Variants in JMY observed in about 807,000 individuals in gnomAD.
JMY encodes junction mediating and regulatory protein, p53 cofactor, also known as junction-mediating and -regulatory protein.
A neutral mutation model predicts 103.3 loss-of-function variants in JMY; 46 were observed. The observed-to-expected ratio is 0.45, with a 90% CI of 0.35 to 0.57. The LOEUF is 0.57. Ranked by LOEUF, JMY falls within the 20% of genes least tolerant of loss-of-function variation. The probability of loss-of-function intolerance (pLI) is 0.00; values close to 1 mark genes in which losing one functional copy is unlikely to be tolerated. For synonymous variants in JMY, 526 were observed against 489.3 expected (o/e 1.07, Z -0.99); for missense variants, 1,238 against 1,255.2 (o/e 0.99, Z 0.21).
chr5:79,260,937 G>C (rs923616027), intron 1 of JMY, among the ~76,000 whole-genome samples: 1 of 151,994 alleles, frequency 6.6e-6, no homozygotes, highest in Non-Finnish European at 1.5e-5. Context: ...ATCATTGCTG[G>C]GGTAGGTTCC....
Position 79,314,293 on chromosome 5 carries a change from T to A in JMY, c.2101T>A (p.Leu701Ile). The change falls in exon 9 of 11, where the codon TTA becomes ATA. Residue 701 changes from leucine to isoleucine, a missense_variant. Leu to Ile is a conservative substitution (Grantham distance 5). Transcript: ENST00000396137. Reference sequence around the variant, plus strand: ...GCAAGTCATACTTAAATCAACCAGATTACGACTAGCTCATGCAAGAAGAAA... The same window carrying A: ...GCAAGTCATACTTAAATCAACCAGAATACGACTAGCTCATGCAAGAAGAAA... ...PGQVILKSTRLRLAHARRKGA... is the reference protein window; with the variant it reads ...PGQVILKSTRIRLAHARRKGA... The A allele has an allele frequency of 6.2e-7, 1 of 1,613,890 alleles. No homozygotes were observed.
chr5:79,244,168 CTT>C (rs1306491290), intron 1 of JMY, among the ~76,000 whole-genome samples: 4 of 151,870 alleles, frequency 2.6e-5, no homozygotes, highest in Non-Finnish European at 2.9e-5. Context: ...ACCCAGCTAA[CTT>C]TTGTATTTTT....
intron 2 of JMY, among the ~76,000 whole-genome samples, chr5:79,282,964 C>T (rs190162119): frequency 9.4e-5 from 14 of 149,680 alleles, no homozygotes; most frequent in East Asian, 5.9e-4. Flanking sequence ...AATATCAAAC[C>T]GGTTATTTCA....
In JMY at chr5:79,249,765, T is replaced by C. The variant is rs1745019561; in HGVS notation, c.1032+12083T>C. 3.3e-5 allele frequency among the ~76,000 whole-genome samples: 5 copies of C among 152,326 alleles called. 1 individual carries two copies. The South Asian group carries it at 1.0e-3, about 32-fold the overall frequency. ...CTTTTGTATTAAATTTCATCGTATT[T>C]TCAGTCTCCCTTGACTCAAGATTGG... On this transcript the variant is annotated intron_variant, in intron 1 of 10. Coordinates refer to ENST00000396137, the MANE Select transcript of JMY (RefSeq NM_152405.5).
intron 2 of JMY, among the ~76,000 whole-genome samples, chr5:79,285,922 G>A (rs1312762476): frequency 6.6e-6 from 1 of 151,880 alleles, no homozygotes; most frequent in Non-Finnish European, 1.5e-5. Flanking sequence ...CAGGTAATTT[G>A]TATTTATAAA....
At chr5:79,266,617 A>G (rs1420787546) in intron 1 of JMY, among the ~76,000 whole-genome samples, 1 of 152,218 alleles carries the variant, frequency 6.6e-6, no homozygotes, top group Non-Finnish European at 1.5e-5. Context: ...AACTGTTTTG[A>G]AATAAACAAT....
rs999329035 is a variant in JMY, at chr5:79,236,618, G to A, written c.-33G>A. On this transcript the variant is annotated 5_prime_UTR_variant, in exon 1 of 11. Transcript: ENST00000396137. ...GAGTCCTCGGGCGGGCCGGGCCGGC[G>A]GCCCTTCCCCGCGGCGAGAAGCCGG... 1 of 1,352,454 alleles carries A rather than the reference G, an allele frequency of 7.4e-7. No homozygotes were observed. The highest frequency in any genetic ancestry group is 1.5e-5 in the African/African-American group (1 of 66,728). The allele number at this position is 1,352,454 out of a possible 1,614,324, so 83.8% of individuals were successfully genotyped here. A position where few individuals can be genotyped will look rare whatever the true frequency, so the allele number is the denominator to read the frequency against.
chr5:79,300,381 G>C, intron 5 of JMY, 63 bp downstream of exon 5: 1 of 1,391,958 alleles, frequency 7.2e-7, no homozygotes, highest in Non-Finnish European at 9.6e-7. Context: ...AATACTTATG[G>C]ACTAGGTATG....
chr5:79,289,260 T>C (rs1289908164), intron 2 of JMY, among the ~76,000 whole-genome samples: 1 of 140,982 alleles, frequency 7.1e-6, no homozygotes, highest in Non-Finnish European at 1.5e-5. Flanking sequence ...AAAAGGAGAA[T>C]ATGGGTTGTA....
intron 1 of JMY, among the ~76,000 whole-genome samples, chr5:79,258,713 C>T (rs975696821): frequency 6.6e-6 from 1 of 152,130 alleles, no homozygotes; most frequent in African/African-American, 2.4e-5. Flanking sequence ...CCAGGGAATG[C>T]AGTGTGGTGC....
chr5:79,238,675 T>C (rs1411438486), intron 1 of JMY, among the ~76,000 whole-genome samples: 1 of 115,666 alleles, frequency 8.6e-6, no homozygotes, highest in Admixed American at 1.1e-4. Context: ...TTGGAAGCAG[T>C]TTTGCTCCGT....
At position 79,236,960 on chromosome 5, in the gene JMY, C is replaced by T. The variant is rs1341002269; in HGVS notation, c.310C>T (p.Pro104Ser). 3.4e-6 allele frequency: 5 copies of T among 1,449,906 alleles called. No individual in the cohort carries two copies. Among genetic ancestry groups the T allele is most frequent in the East Asian group, 2.5e-5 (1 of 39,484 alleles). 89.8% of individuals were successfully genotyped at this position (1,449,906 alleles called of 1,614,324 possible). The change falls in exon 1 of 11, where the codon CCC becomes TCC. Residue 104 changes from proline (P) to serine (S), a missense_variant. Physicochemically the swap from Pro to Ser is moderately conservative, Grantham distance 74. Coordinates refer to ENST00000396137, the MANE Select transcript of JMY (RefSeq NM_152405.5). ...TGCAACTCTGGTTAGGAGCCCCGGG[C>T]CCCGGCGGAGCTCGGCCTGGGCGGA... ...ASATLVRSPG[P>S]RRSSAWAEGG...
At chr5:79,270,826 TATC>T (rs1447693164) in intron 1 of JMY, among the ~76,000 whole-genome samples, 1 of 151,580 alleles carries the variant, frequency 6.6e-6, no homozygotes, top group East Asian at 1.9e-4. Flanking sequence ...CTGAGAGTTT[TATC>T]ATGAATTGAG....
intron 1 of JMY, among the ~76,000 whole-genome samples, chr5:79,266,359 G>A (rs959485137): frequency 1.1e-4 from 17 of 152,222 alleles, no homozygotes; most frequent in Admixed American, 3.3e-4. Flanking sequence ...GCTGGGCACA[G>A]AGTGAGCAGT....
rs375364514 is a variant in JMY, at chr5:79,296,332, C to G, written c.1528-3821C>G. On this transcript the variant is annotated intron_variant, in intron 4 of 10. Coordinates refer to ENST00000396137, the MANE Select transcript of JMY (RefSeq NM_152405.5). ...AGATAATTCTGTCAACTTGTGTTAC[C>G]CATATTTGTGCAGTTGTTACTGGTG... is the stretch of plus-strand genomic sequence containing the variant. 1.3e-4 allele frequency among the ~76,000 whole-genome samples: 20 copies of G among 152,186 alleles called. 1 individual carries two copies. The highest frequency in any genetic ancestry group is 5.9e-4 in the Admixed American group (9 of 15,292).
At chr5:79,238,941 G>C (rs1019448120) in intron 1 of JMY, among the ~76,000 whole-genome samples, 1 of 152,178 alleles carries the variant, frequency 6.6e-6, no homozygotes, top group African/African-American at 2.4e-5. Flanking sequence ...GGGATTACAG[G>C]CGTGAGCCAC....
intron 1 of JMY, among the ~76,000 whole-genome samples, chr5:79,265,906 G>A (rs933831706): frequency 1.6e-4 from 24 of 150,778 alleles, no homozygotes; most frequent in Non-Finnish European, 3.5e-4. Context: ...TCAGCCTCCC[G>A]AGTAGCTGGG....
Position 79,326,687 on chromosome 5 carries a change from A to G in JMY, c.*5085A>G, listed in dbSNP as rs1215200058. ...GCCCATTAGGGCTAAGGAGACTGAC[A>G]TGATTTTTATCGGTTCTGGGTAAAT... On this transcript the variant is annotated 3_prime_UTR_variant, in exon 11 of 11. Transcript: ENST00000396137. 1 of 152,206 alleles carries G rather than the reference A, an allele frequency of 6.6e-6. No homozygotes were observed. The highest frequency in any genetic ancestry group is 1.5e-5 in the Non-Finnish European group (1 of 68,020). The allele number at this position is 152,206 out of a possible 1,614,324, so 9.4% of individuals were successfully genotyped here. A position where few individuals can be genotyped will look rare whatever the true frequency, so the allele number is the denominator to read the frequency against.
At chr5:79,293,323 CTTGAAAGAA>C (rs1188354897) in intron 4 of JMY, among the ~76,000 whole-genome samples, 1 of 152,006 alleles carries the variant, frequency 6.6e-6, no homozygotes, top group Non-Finnish European at 1.5e-5. Context: ...TTCTGTTTGA[CTTGAAAGAA>C]TTAACTGCTC....
Sources: allele counts gnomAD v4.1 joint callset (sites outside exome capture counted in the v4.1 genomes callset), GRCh38; gene constraint gnomAD v4.1.1; transcripts MANE v1.5; gene names NCBI Gene and HGNC (gene_info 2026-07-23, HGNC 2026-07-21).